THTPA: variants seen among roughly 807,000 people sequenced by gnomAD.
The protein encoded by THTPA is thiamine triphosphatase.
A neutral mutation model predicts 16.5 loss-of-function variants in THTPA; 16 were observed. The ratio of observed to expected loss-of-function variants is 0.97; its 90% CI spans 0.66 to 1.47. The LOEUF is 1.47. THTPA is among the 40% of genes most tolerant of loss of function. THTPA has a pLI of 0.00. For synonymous variants in THTPA, 110 were observed against 115.5 expected (o/e 0.95, Z 0.30); for missense variants, 281 against 280.9 (o/e 1.00, Z 0.00).
chr14:23,533,001 G>T, the THTPA span: 6 of 1,536,056 alleles, frequency 3.9e-6, no homozygotes, highest in Non-Finnish European at 5.2e-6. This position sits in a 1 kb window ranked among gnomAD's most constrained non-coding sequence, Gnocchi z 4.8. Context: ...TCGTCTGGGG[G>T]TGGTGAGGTG....
the THTPA span, among the ~76,000 whole-genome samples, chr14:23,515,587 C>T: frequency 6.6e-6 from 1 of 152,178 alleles, no homozygotes; most frequent in Non-Finnish European, 1.5e-5. Context: ...AAAACTAGAC[C>T]TTGAGCCCCC....
At chr14:23,541,914 C>T in the THTPA span, among the ~76,000 whole-genome samples, 1 of 152,194 alleles carries the variant, frequency 6.6e-6, no homozygotes, top group South Asian at 2.1e-4. Context: ...CTTCTAGACC[C>T]TTCCCCTTTT....
chr14:23,547,352 T>C, the THTPA span, among the ~76,000 whole-genome samples: 1 of 152,250 alleles, frequency 6.6e-6, no homozygotes, highest in Non-Finnish European at 1.5e-5. Context: ...TTGCGGCCAT[T>C]GTATATATAC....
the THTPA span, chr14:23,522,055 C>A: frequency 1.3e-6 from 2 of 1,536,336 alleles, no homozygotes; most frequent in African/African-American, 2.7e-5. Context: ...CCACAGCAGC[C>A]GAGGCAGCAG....
At chr14:23,543,485 G>C in the THTPA span, 1 of 152,296 alleles carries the variant, frequency 6.6e-6, no homozygotes, top group East Asian at 1.9e-4. Flanking sequence ...TTGAGCATAT[G>C]TGCTATCATG....
At chr14:23,512,272 G>A in the THTPA span, among the ~76,000 whole-genome samples, 2 of 152,006 alleles carry the variant, frequency 1.3e-5, no homozygotes, top group African/African-American at 4.8e-5. Flanking sequence ...GCGGTGGCTG[G>A]CACAGTGCCC....
chr14:23,533,026 T>A, the THTPA span: 7 of 1,535,790 alleles, frequency 4.6e-6, no homozygotes, highest in Admixed American at 1.4e-4. This position sits in a 1 kb window ranked among gnomAD's most constrained non-coding sequence, Gnocchi z 4.8. Flanking sequence ...GGCTGTCAGA[T>A]GAGGAACCCA....
the THTPA span, among the ~76,000 whole-genome samples, chr14:23,544,502 G>A: frequency 1.3e-5 from 2 of 152,188 alleles, 1 homozygote; most frequent in South Asian, 4.1e-4. Context: ...ACTTCTTTGG[G>A]GTTGGTGAAG....
chr14:23,519,004 A>G, the THTPA span, among the ~76,000 whole-genome samples: 1 of 152,214 alleles, frequency 6.6e-6, no homozygotes, highest in South Asian at 2.1e-4. Flanking sequence ...TAATTGACCT[A>G]AGTCAGCAGA....
the THTPA span, among the ~76,000 whole-genome samples, chr14:23,540,321 A>G: frequency 1.3e-5 from 2 of 152,136 alleles, no homozygotes; most frequent in African/African-American, 2.4e-5. Context: ...CACTTTTCTA[A>G]TTGTTTAATC....
the THTPA span, chr14:23,523,556 G>T: frequency 6.5e-7 from 1 of 1,537,794 alleles, no homozygotes; most frequent in Admixed American, 2.0e-5. This position sits in a 1 kb window ranked among gnomAD's most constrained non-coding sequence, Gnocchi z 4.1. Context: ...GCTCCCAGCG[G>T]CTGTCCCCTG....
chr14:23,531,870 T>G, the THTPA span: 1 of 1,061,728 alleles, frequency 9.4e-7, no homozygotes, highest in Non-Finnish European at 1.2e-6. Flanking sequence ...CTCTACCTCC[T>G]GGGTTCAGTG....
At chr14:23,555,622 C>T (rs1184792792), upstream of THTPA, 9 of 152,228 alleles carry the variant, frequency 5.9e-5, no homozygotes, top group Non-Finnish European at 1.2e-4. Flanking sequence ...TATTAGATCC[C>T]CTCTAAAACT....
At chr14:23,524,730 G>A in the THTPA span, 7 of 1,536,338 alleles carry the variant, frequency 4.6e-6, no homozygotes, top group Non-Finnish European at 5.2e-6. The surrounding 1 kb of genome is among the most constrained non-coding windows in gnomAD (Gnocchi z 5.6). Context: ...CCATCTGGAG[G>A]CTCTGGTAAT....
the THTPA span, among the ~76,000 whole-genome samples, chr14:23,549,472 G>A: frequency 1.3e-5 from 2 of 152,056 alleles, no homozygotes; most frequent in East Asian, 1.9e-4. Flanking sequence ...CACCCTTACT[G>A]TTCTTCAGGC....
chr14:23,512,708 A>G, the THTPA span: 1 of 150,404 alleles, frequency 6.6e-6, no homozygotes, highest in East Asian at 1.9e-4. Context: ...TAAAAAATAT[A>G]TATGTGTGTG....
Position 23,556,524 on chromosome 14 carries a change from G to T in THTPA, c.-234G>T, listed in dbSNP as rs2138981225. 1.8e-6 allele frequency: 1 copy of T among 566,962 alleles called. No homozygotes were observed. Among genetic ancestry groups the T allele is most frequent in the Non-Finnish European group, 3.1e-6 (1 of 320,568 alleles). The allele number at this position is 566,962 out of a possible 1,614,324, so 35.1% of individuals were successfully genotyped here. A position where few individuals can be genotyped will look rare whatever the true frequency, so the allele number is the denominator to read the frequency against. ...TGAGGACATCAGCAGCAGTGGAAGG[G>T]ATTTTACTGGAGACCTGTCACTGTC... is the stretch of plus-strand genomic sequence containing the variant. On this transcript the variant is annotated 5_prime_UTR_variant, in exon 1 of 2. Transcript: ENST00000288014.
the THTPA span, chr14:23,531,130 CAA>C: frequency 5.3e-6 from 1 of 187,834 alleles, no homozygotes; most frequent in Admixed American, 6.1e-5. Flanking sequence ...TGGCCCAGCA[CAA>C]AACAGGTTCT....
chr14:23,525,419 G>A, the THTPA span: 1 of 1,536,150 alleles, frequency 6.5e-7, no homozygotes, highest in Non-Finnish European at 8.7e-7. The surrounding 1 kb of genome is among the most constrained non-coding windows in gnomAD (Gnocchi z 5.9). Context: ...GGCTTCAAAG[G>A]GCAGAAAGCG....
Sources: allele counts gnomAD v4.1 joint callset (sites outside exome capture counted in the v4.1 genomes callset), GRCh38; gene constraint gnomAD v4.1.1; non-coding constraint Gnocchi (gnomAD v3.1); transcripts MANE v1.5; gene names NCBI Gene and HGNC (gene_info 2026-07-23, HGNC 2026-07-21).